Variants in COL25A1 observed in about 807,000 individuals in gnomAD.
COL25A1 encodes the protein collagen type XXV alpha 1 chain.
COL25A1 carries 103 observed loss-of-function variants against 128.4 expected under a neutral mutation model. The ratio of observed to expected loss-of-function variants is 0.80; its 90% CI spans 0.68 to 0.94. The LOEUF is 0.94. COL25A1 is among the 40% of genes least tolerant of loss of function. The probability of loss-of-function intolerance (pLI) is 0.00; values close to 1 mark genes in which losing one functional copy is unlikely to be tolerated. For missense variants in COL25A1, 745 were observed against 840.0 expected (o/e 0.89, Z 1.40); for synonymous variants, 279 against 277.2 (o/e 1.01, Z -0.06).
At chr4:109,203,387 A>G (rs1385865693) in intron 3 of COL25A1, among the ~76,000 whole-genome samples, 3 of 152,150 alleles carry the variant, frequency 2.0e-5, no homozygotes, top group Non-Finnish European at 1.5e-5. Flanking sequence ...CAAAAACTTT[A>G]CCTCTCATCT....
At chr4:109,200,034 C>A (rs921887457) in intron 3 of COL25A1, among the ~76,000 whole-genome samples, 4 of 152,194 alleles carry the variant, frequency 2.6e-5, no homozygotes, top group Non-Finnish European at 4.4e-5. Flanking sequence ...CTGACACACA[C>A]CTTCTACATT....
chr4:109,212,799 T>C (rs1245183102), intron 3 of COL25A1, among the ~76,000 whole-genome samples: 5 of 152,168 alleles, frequency 3.3e-5, no homozygotes, highest in Admixed American at 2.0e-4. Context: ...GTAAATACAA[T>C]AGCAGTACTC....
At chr4:109,104,859 CTG>C (rs1350665197) in intron 3 of COL25A1, among the ~76,000 whole-genome samples, 1 of 151,992 alleles carries the variant, frequency 6.6e-6, no homozygotes, top group Non-Finnish European at 1.5e-5. Flanking sequence ...GAGGAAAACA[CTG>C]GATATCTAGT....
intron 31 of COL25A1, among the ~76,000 whole-genome samples, chr4:108,832,986 A>AATAAATAAATACATAAATAAATAC (rs1447390192): frequency 1.3e-5 from 2 of 151,510 alleles, no homozygotes. Flanking sequence ...TAAATAAATA[A>AATAAATAAATACATAAATAAATAC]ATAAATAAAT....
chr4:108,876,411 T>A (rs1222867738), intron 19 of COL25A1, among the ~76,000 whole-genome samples: 1 of 152,166 alleles, frequency 6.6e-6, no homozygotes, highest in Non-Finnish European at 1.5e-5. Flanking sequence ...AAAAATTAAA[T>A]CCAGATTTAA....
At chr4:109,091,969 A>G (rs1225567575) in intron 3 of COL25A1, among the ~76,000 whole-genome samples, 1 of 152,182 alleles carries the variant, frequency 6.6e-6, no homozygotes, top group East Asian at 1.9e-4. Flanking sequence ...CTCTTAAAAC[A>G]TTTATGACAT....
At chr4:109,203,715 A>G (rs550686358) in intron 3 of COL25A1, among the ~76,000 whole-genome samples, 36 of 152,302 alleles carry the variant, frequency 2.4e-4, no homozygotes, top group African/African-American at 8.7e-4. Context: ...TGCATAGAAA[A>G]GTAAGAAAAT....
intron 8 of COL25A1, among the ~76,000 whole-genome samples, chr4:108,968,208 C>A (rs921423874): frequency 1.3e-5 from 2 of 152,072 alleles, no homozygotes; most frequent in Admixed American, 1.3e-4. Flanking sequence ...AACTGTAGGC[C>A]TGAAATTGGT....
At chr4:109,117,961 G>T (rs1215834283) in intron 3 of COL25A1, among the ~76,000 whole-genome samples, 1 of 151,318 alleles carries the variant, frequency 6.6e-6, no homozygotes. Context: ...GGAAGAAAAT[G>T]GAATGATATA....
chr4:108,933,702 T>C (rs114695328), intron 11 of COL25A1, among the ~76,000 whole-genome samples: 93 of 152,276 alleles, frequency 6.1e-4, no homozygotes, highest in Non-Finnish European at 1.1e-3. Context: ...TTTCACTTGC[T>C]TCTCACCATA....
At chr4:109,084,687 C>G (rs1764201239) in intron 3 of COL25A1, among the ~76,000 whole-genome samples, 1 of 152,160 alleles carries the variant, frequency 6.6e-6, no homozygotes, top group Admixed American at 6.5e-5. Flanking sequence ...TGTTTAAGCC[C>G]ATATTCCATT....
chr4:109,035,167 CATA>C (rs1268676382), intron 5 of COL25A1, among the ~76,000 whole-genome samples: 1 of 152,158 alleles, frequency 6.6e-6, no homozygotes, highest in East Asian at 1.9e-4. Flanking sequence ...TGCTGCCTGC[CATA>C]GCTACTGTCA....
intron 8 of COL25A1, chr4:108,942,185 C>G (rs1748192091): frequency 1.9e-6 from 3 of 1,548,106 alleles, no homozygotes; most frequent in Admixed American, 3.9e-5. Flanking sequence ...TCTGACTGTG[C>G]AGGCATGAGT....
At chr4:108,846,270 AATTAC>A in intron 27 of COL25A1, 51 bp from the exon 28 acceptor site, 1 of 1,066,572 alleles carries the variant, frequency 9.4e-7, no homozygotes, top group Non-Finnish European at 1.4e-6. Flanking sequence ...GACCCCCGAT[AATTAC>A]ATCCTAGGGA....
chr4:108,865,427 T>G (rs1243176088), intron 20 of COL25A1, among the ~76,000 whole-genome samples: 1 of 152,140 alleles, frequency 6.6e-6, no homozygotes, highest in Non-Finnish European at 1.5e-5. Flanking sequence ...CTCAGGTTTC[T>G]TAACAGCACT....
At chr4:109,123,880 G>A (rs191686840) in intron 3 of COL25A1, among the ~76,000 whole-genome samples, 80 of 151,920 alleles carry the variant, frequency 5.3e-4, no homozygotes, top group African/African-American at 1.5e-3. Flanking sequence ...ATCCTGATTT[G>A]TGTGCCTCTG....
intron 3 of COL25A1, among the ~76,000 whole-genome samples, chr4:109,154,658 G>A (rs185761283): frequency 2.0e-5 from 3 of 152,286 alleles, no homozygotes; most frequent in African/African-American, 7.2e-5. Flanking sequence ...ACACGAGTGA[G>A]TCAGAAAACA....
At chr4:109,069,660 C>A (rs1301938845) in intron 3 of COL25A1, among the ~76,000 whole-genome samples, 1 of 152,112 alleles carries the variant, frequency 6.6e-6, no homozygotes, top group Non-Finnish European at 1.5e-5. Flanking sequence ...GAAGGTGGAA[C>A]AATAAAGAAT....
At chr4:109,044,523 C>T (rs3096474) in intron 5 of COL25A1, among the ~76,000 whole-genome samples, 76,279 of 151,872 alleles carry the variant, frequency 0.5, 21,191 homozygotes, top group African/African-American at 0.73. Context: ...GAGCACATTT[C>T]ATAATGAAGT....
Sources: gnomAD v4.1 joint callset for allele counts (sites outside exome capture counted in the v4.1 genomes callset) on GRCh38, gnomAD v4.1.1 for gene constraint, MANE v1.5 for transcripts, NCBI Gene and HGNC (gene_info 2026-07-23, HGNC 2026-07-21) for gene names.